The following TENM4 variants were observed in gnomAD, a reference collection of about 807,000 sequenced individuals.
The protein encoded by TENM4 is teneurin transmembrane protein 4.
In TENM4, 82 loss-of-function variants were observed where a neutral mutation model predicts 243.3. The observed-to-expected ratio is 0.34, with a 90% CI of 0.28 to 0.40. The LOEUF (loss-of-function observed/expected upper bound fraction) is 0.40, where lower values mean the gene tolerates loss of function less well. Among genes scored for constraint, TENM4 ranks in the 10% least tolerant of loss-of-function variants. TENM4 has a pLI of 1.00. For missense variants in TENM4, 3,138 were observed against 3,673.3 expected, an observed-to-expected ratio of 0.85 and a Z score of 3.77; for synonymous variants, 1,412 against 1,456.3, an observed-to-expected ratio of 0.97 and a Z score of 0.69.
chr11:79,293,308 G>A (rs1446651195), intron 2 of TENM4, among the ~76,000 whole-genome samples: 1 of 151,858 alleles, frequency 6.6e-6, no homozygotes, highest in Non-Finnish European at 1.5e-5. Flanking sequence ...GGCACGGTGG[G>A]TCACACTTGG....
chr11:79,402,286 G>C (rs1283970867), intron 1 of TENM4, among the ~76,000 whole-genome samples: 1 of 152,088 alleles, frequency 6.6e-6, no homozygotes, highest in Non-Finnish European at 1.5e-5. Context: ...AATGAGAAAT[G>C]ACAATGACAA....
At chr11:78,907,759 T>C (rs555811351) in intron 6 of TENM4, among the ~76,000 whole-genome samples, 2 of 152,302 alleles carry the variant, frequency 1.3e-5, no homozygotes, top group Non-Finnish European at 2.9e-5. Context: ...TAGTTGGGCT[T>C]TTTGCCTGCA....
intron 10 of TENM4, among the ~76,000 whole-genome samples, chr11:78,860,473 G>C (rs1858790921): frequency 6.6e-6 from 1 of 152,196 alleles, no homozygotes; most frequent in African/African-American, 2.4e-5. Context: ...TTGTGAAGCA[G>C]AGACTCTAAT....
chr11:79,132,520 C>A (rs1862030663), intron 4 of TENM4, among the ~76,000 whole-genome samples: 1 of 151,956 alleles, frequency 6.6e-6, no homozygotes, highest in African/African-American at 2.4e-5. Context: ...CAGAACATTT[C>A]ATCCAACAAC....
chr11:79,106,511 G>A (rs773873545), intron 4 of TENM4, among the ~76,000 whole-genome samples: 1 of 152,242 alleles, frequency 6.6e-6, no homozygotes, highest in Non-Finnish European at 1.5e-5. Flanking sequence ...ACTACAGGAA[G>A]AAGCATGTGA....
intron 3 of TENM4, among the ~76,000 whole-genome samples, chr11:79,197,279 G>T (rs1863649171): frequency 6.6e-6 from 1 of 152,110 alleles, no homozygotes; most frequent in South Asian, 2.1e-4. Context: ...GGGAGACAAT[G>T]AAGGGAAAGG....
At chr11:78,832,369 C>T (rs1858004369) in intron 12 of TENM4, among the ~76,000 whole-genome samples, 1 of 152,236 alleles carries the variant, frequency 6.6e-6, no homozygotes, top group Non-Finnish European at 1.5e-5. Context: ...GTGAGAAGCT[C>T]TTAGAGGACA....
intron 12 of TENM4, among the ~76,000 whole-genome samples, chr11:78,841,517 T>A (rs1858258508): frequency 6.6e-6 from 1 of 152,072 alleles, no homozygotes; most frequent in Admixed American, 6.5e-5. Context: ...GTTGATCTCA[T>A]CTTCCTTGCC....
At chr11:79,356,360 G>A (rs1263996974) in intron 1 of TENM4, among the ~76,000 whole-genome samples, 2 of 152,204 alleles carry the variant, frequency 1.3e-5, no homozygotes, top group East Asian at 3.9e-4. Flanking sequence ...TCTGCCTCCT[G>A]GCTGGCTGTA....
chr11:79,320,225 A>T lies in TENM4; in HGVS notation c.-320-22682T>A, dbSNP rs1037184235. Among the ~76,000 whole-genome samples the T allele has an allele frequency of 3.9e-5, 6 of 152,092 alleles. No homozygotes were observed. The South Asian group carries it at 8.3e-4, about 21-fold the overall frequency. On this transcript the variant is annotated intron_variant, in intron 1 of 33. Transcript: ENST00000278550. ...TGTGGAAGTTTCGGTCACCCACTTA[A>T]CCAAGATCCCTGAGCTGTGCATGTT...
Position 78,889,806 on chromosome 11 carries a change from T to A in TENM4, c.1063A>T (p.Ile355Phe). The A allele has an allele frequency of 6.4e-7, 1 of 1,552,056 alleles. No individual in the cohort carries two copies. The highest frequency in any genetic ancestry group is 1.7e-4 in the Middle Eastern group (1 of 5,996). ...TTACCCACAAAGTATGCCAGCAGGA[T>A]GACCAGAGTGGCTGAGATGACGATG... Reference protein sequence around the residue: ...SAIVISATLVILLAYFVAMHL... With the variant: ...SAIVISATLVFLLAYFVAMHL... Residue 355 changes from isoleucine to phenylalanine, a missense_variant, in exon 9 of 34, where the codon ATC becomes TTC. Transcript: ENST00000278550.
chr11:78,873,160 G>GC (rs1423283538), intron 9 of TENM4, among the ~76,000 whole-genome samples: 12 of 152,022 alleles, frequency 7.9e-5, no homozygotes, highest in South Asian at 4.2e-4. Flanking sequence ...ATATTTTCCT[G>GC]CCCCCCTGCC....
intron 6 of TENM4, among the ~76,000 whole-genome samples, chr11:79,054,889 G>C (rs563066892): frequency 1.3e-5 from 2 of 152,216 alleles, no homozygotes; most frequent in East Asian, 3.9e-4. Context: ...CCAGCACTTT[G>C]GGAGGCTGAG....
At chr11:78,995,120 C>G (rs988026985) in intron 6 of TENM4, among the ~76,000 whole-genome samples, 1 of 152,082 alleles carries the variant, frequency 6.6e-6, no homozygotes, top group South Asian at 2.1e-4. Flanking sequence ...ACTATATTTC[C>G]TAGAATGAGT....
chr11:78,852,266 G>A (rs1240100946), intron 12 of TENM4, among the ~76,000 whole-genome samples: 2 of 152,230 alleles, frequency 1.3e-5, no homozygotes, highest in Non-Finnish European at 2.9e-5. Context: ...TATTGAGCCT[G>A]TATTTAGAGC....
intron 6 of TENM4, among the ~76,000 whole-genome samples, chr11:79,061,531 CTT>C (rs1860086154): frequency 6.6e-6 from 1 of 152,184 alleles, no homozygotes; most frequent in African/African-American, 2.4e-5. Flanking sequence ...GGCTGAAACT[CTT>C]CAGGCTTGAT....
At chr11:78,918,435 A>G (rs904779960) in intron 6 of TENM4, among the ~76,000 whole-genome samples, 1 of 147,622 alleles carries the variant, frequency 6.8e-6, no homozygotes, top group Non-Finnish European at 1.5e-5. Context: ...TTCCAATTTT[A>G]GAATCTACTT....
rs996167781 is a variant in TENM4 at position 79,360,092 on chromosome 11, C to T, written c.-320-62549G>A. ...ATTCATTACAGAGCCACAGCCTCTT[C>T]CTCAGTGGGTCCCTATGGTACTTTG... On this transcript the variant is annotated intron_variant, in intron 1 of 33. Transcript: ENST00000278550. Among the ~76,000 whole-genome samples, 4 of 152,196 alleles carry T rather than the reference C, an allele frequency of 2.6e-5. 1 individual carries two copies. The highest frequency in any genetic ancestry group is 2.0e-4 in the Admixed American group (3 of 15,278).
intron 12 of TENM4, among the ~76,000 whole-genome samples, chr11:78,836,441 CAAT>C (rs1365628035): frequency 6.6e-6 from 1 of 152,072 alleles, no homozygotes; most frequent in East Asian, 1.9e-4. Context: ...TAAGTTGGGA[CAAT>C]AATCTTACCA....
Sources: gnomAD v4.1 joint callset for allele counts (sites outside exome capture counted in the v4.1 genomes callset) on GRCh38, gnomAD v4.1.1 for gene constraint, MANE v1.5 for transcripts, NCBI Gene and HGNC (gene_info 2026-07-23, HGNC 2026-07-21) for gene names.